Variants in LIPI observed in about 807,000 individuals in gnomAD.
The protein encoded by LIPI is lipase I.
A neutral mutation model predicts 50.6 loss-of-function variants in LIPI; 59 were observed. The ratio of observed to expected loss-of-function variants is 1.16; its 90% CI spans 0.94 to 1.45. The LOEUF is 1.45. Ranked by LOEUF, LIPI falls within the 40% of genes most tolerant of loss-of-function variation. The probability of loss-of-function intolerance (pLI) is 0.00; values close to 1 mark genes in which losing one functional copy is unlikely to be tolerated. For missense variants in LIPI, 586 were observed against 536.3 expected, an observed-to-expected ratio of 1.09 and a Z score of -0.92; for synonymous variants, 203 against 178.2, an observed-to-expected ratio of 1.14 and a Z score of -1.11.
At position 14,198,251 on chromosome 21, in the gene LIPI, T is replaced by C. The variant is rs145416032; in HGVS notation, c.47-8832A>G. ...ACCAGCCAACATCATGAGGACAGGA[T>C]AAAATCCACATATATCAATACTAAC... On this transcript the variant is annotated intron_variant, in intron 1 of 9. Transcript: ENST00000681601. Among the ~76,000 whole-genome samples, 468 of 152,180 alleles carry C rather than the reference T, an allele frequency of 3.1e-3. 4 individuals carry two copies. The highest frequency in any genetic ancestry group is 0.011 in the African/African-American group (453 of 41,516).
chr21:14,180,772 T>C (rs2019243617), intron 4 of LIPI, among the ~76,000 whole-genome samples: 1 of 152,192 alleles, frequency 6.6e-6, no homozygotes, highest in Admixed American at 6.6e-5. Context: ...AGTCTCAGTC[T>C]ATTGACATGT....
intron 1 of LIPI, among the ~76,000 whole-genome samples, chr21:14,203,852 A>AAG (rs1030272507): frequency 1.6e-5 from 2 of 122,630 alleles, no homozygotes; most frequent in East Asian, 2.1e-4. Flanking sequence ...AAATATAATA[A>AAG]AAAGAGAAAG....
At chr21:14,187,839 G>T (rs409070) in intron 2 of LIPI, among the ~76,000 whole-genome samples, 84,080 of 151,978 alleles carry the variant, frequency 0.55, 23,667 homozygotes, top group African/African-American at 0.6. Context: ...TTTGTAACAT[G>T]TTGTTATTCT....
intron 4 of LIPI, among the ~76,000 whole-genome samples, chr21:14,169,253 C>T (rs943726718): frequency 1.3e-5 from 2 of 152,076 alleles, no homozygotes; most frequent in Non-Finnish European, 2.9e-5. Context: ...GACTCCCACA[C>T]ATTAATAATG....
intron 4 of LIPI, among the ~76,000 whole-genome samples, chr21:14,167,605 A>T (rs898944114): frequency 6.6e-6 from 1 of 152,190 alleles, no homozygotes; most frequent in Non-Finnish European, 1.5e-5. Context: ...AGGCAAACAG[A>T]GTCTGGAGTG....
Position 14,210,688 on chromosome 21 carries a change from T to C in LIPI, c.46+112A>G, listed in dbSNP as rs1568890773. On this transcript the variant is annotated intron_variant, in intron 1 of 9. Transcript: ENST00000681601. ...TGTTTGTTATAATTAGTACCAATAA[T>C]CTAACATATTTTTATCCCATTATAT... The C allele has an allele frequency of 1.0e-5, 3 of 297,948 alleles. No homozygotes were observed. In the South Asian group the frequency reaches 1.4e-4, roughly 14 times the overall value. 18.5% of individuals were successfully genotyped at this position (297,948 alleles called of 1,614,324 possible).
At chr21:14,156,353 G>A (rs2018269359) in intron 7 of LIPI, among the ~76,000 whole-genome samples, 1 of 151,768 alleles carries the variant, frequency 6.6e-6, no homozygotes, top group Non-Finnish European at 1.5e-5. Flanking sequence ...AAACAGAGAT[G>A]TCGTGCAGAA....
At chr21:14,210,245 T>C (rs2020328606) in intron 1 of LIPI, among the ~76,000 whole-genome samples, 1 of 147,180 alleles carries the variant, frequency 6.8e-6, no homozygotes, top group South Asian at 2.2e-4. Context: ...ACTCTTAATA[T>C]TGATAAACTT....
intron 4 of LIPI, among the ~76,000 whole-genome samples, chr21:14,170,472 A>C (rs2018856561): frequency 6.6e-6 from 1 of 152,184 alleles, no homozygotes. Context: ...TCAATAAAAT[A>C]CTGGCAAACC....
chr21:14,128,658 A>G lies in LIPI; in HGVS notation c.1295+15965T>C, dbSNP rs921860478. On this transcript the variant is annotated intron_variant, in intron 9 of 9. Coordinates refer to ENST00000681601, the MANE Select transcript of LIPI (RefSeq NM_001302998.2). Reference sequence around the variant, plus strand: ...AATAGTCAAAGAAATCATCAATCTTAGGTACACGATATATCTTAAGTGTGT... The same window carrying G: ...AATAGTCAAAGAAATCATCAATCTTGGGTACACGATATATCTTAAGTGTGT... Among the ~76,000 whole-genome samples, 4 of 149,360 alleles carry G rather than the reference A, an allele frequency of 2.7e-5. No homozygotes were observed. The South Asian group carries it at 6.5e-4, about 24-fold the overall frequency.
chr21:14,156,638 A>T (rs1158417724), intron 7 of LIPI, among the ~76,000 whole-genome samples: 2 of 151,920 alleles, frequency 1.3e-5, no homozygotes, highest in East Asian at 3.8e-4. Context: ...TAGAAAATCA[A>T]TATACATTTT....
intron 9 of LIPI, among the ~76,000 whole-genome samples, chr21:14,112,587 T>C (rs2016458565): frequency 6.7e-6 from 1 of 149,730 alleles, no homozygotes; most frequent in Admixed American, 6.7e-5. Flanking sequence ...TATTTTATCA[T>C]TTTATAGCTA....
intron 9 of LIPI, among the ~76,000 whole-genome samples, chr21:14,118,981 G>A (rs1359968842): frequency 6.6e-6 from 1 of 151,850 alleles, no homozygotes; most frequent in East Asian, 1.9e-4. Flanking sequence ...ACGAGGTGGT[G>A]GCTACACTGC....
At chr21:14,165,512 A>G in intron 5 of LIPI, 122 bp from the exon 6 acceptor site, 2 of 674,528 alleles carry the variant, frequency 3.0e-6, no homozygotes, top group Admixed American at 2.8e-5. Context: ...ATTACTGACT[A>G]TAATACACAG....
intron 1 of LIPI, among the ~76,000 whole-genome samples, chr21:14,198,382 A>G (rs2019934672): frequency 6.6e-6 from 1 of 152,160 alleles, no homozygotes; most frequent in South Asian, 2.1e-4. Flanking sequence ...CCCATCTCAC[A>G]TGCAATGACA....
chr21:14,186,580 T>C (rs773871257), intron 2 of LIPI, among the ~76,000 whole-genome samples: 2 of 152,202 alleles, frequency 1.3e-5, no homozygotes, highest in Non-Finnish European at 2.9e-5. Flanking sequence ...CCACATAGAT[T>C]CATAAGAGGA....
At chr21:14,128,967 T>A (rs374000066) in intron 9 of LIPI, among the ~76,000 whole-genome samples, 2 of 152,030 alleles carry the variant, frequency 1.3e-5, no homozygotes, top group Admixed American at 6.5e-5. Context: ...AACAAGATGT[T>A]TAGAAAGTAG....
intron 4 of LIPI, among the ~76,000 whole-genome samples, chr21:14,167,760 G>A (rs1448569168): frequency 2.0e-5 from 3 of 152,114 alleles, no homozygotes; most frequent in South Asian, 4.1e-4. Flanking sequence ...CCACAAAAAT[G>A]GGGAAAAAAC....
At chr21:14,176,004 C>T (rs2019081582) in intron 4 of LIPI, among the ~76,000 whole-genome samples, 1 of 151,910 alleles carries the variant, frequency 6.6e-6, no homozygotes, top group Admixed American at 6.6e-5. Flanking sequence ...CGGTGAAACC[C>T]CGTCTCTACT....
Sources: gnomAD v4.1 joint callset for allele counts (sites outside exome capture counted in the v4.1 genomes callset) on GRCh38, gnomAD v4.1.1 for gene constraint, MANE v1.5 for transcripts, NCBI Gene and HGNC (gene_info 2026-07-23, HGNC 2026-07-21) for gene names.